Variants in GZMK observed in about 807,000 individuals in gnomAD.
GZMK encodes the protein NK-Tryp-2.
In GZMK, 18 loss-of-function variants were observed where a neutral mutation model predicts 22.8. That is an observed-to-expected ratio of 0.79 (90% CI 0.54 to 1.17). The LOEUF is 1.17. Ranked by LOEUF, GZMK falls within the 50% of genes most tolerant of loss-of-function variation. The probability of loss-of-function intolerance (pLI) is 0.00; values close to 1 mark genes in which losing one functional copy is unlikely to be tolerated. For missense variants in GZMK, 342 were observed against 320.2 expected (o/e 1.07, Z -0.52); for synonymous variants, 136 against 115.0 (o/e 1.18, Z -1.17).
intron 2 of GZMK, among the ~76,000 whole-genome samples, chr5:55,029,139 G>A (rs1394839620): frequency 6.6e-6 from 1 of 152,106 alleles, no homozygotes; most frequent in East Asian, 1.9e-4. Flanking sequence ...GGAGGCTGAG[G>A]CAGGAGAATC....
intron 2 of GZMK, among the ~76,000 whole-genome samples, chr5:55,027,334 A>T (rs1357820083): frequency 6.6e-6 from 1 of 152,194 alleles, no homozygotes; most frequent in Non-Finnish European, 1.5e-5. Context: ...TCCCTCTCTG[A>T]CAGCCAAGTT....
At chr5:55,029,653 C>T (rs1741189953) in intron 2 of GZMK, among the ~76,000 whole-genome samples, 1 of 152,192 alleles carries the variant, frequency 6.6e-6, no homozygotes, top group Non-Finnish European at 1.5e-5. Flanking sequence ...AGCAATCCCT[C>T]CTGCTTCAGC....
In GZMK at chr5:55,029,779, C is replaced by T. The variant is rs575186059; in HGVS notation, c.213-655C>T. The stretch of plus-strand genomic sequence containing the variant: ...CTGTATTGCCCAGGTTTCTCTCAAA[C>T]TCCTGGCCTCAAATGATCCTCCCAC... On this transcript the variant is annotated intron_variant, in intron 2 of 4. Transcript: ENST00000231009. Among the ~76,000 whole-genome samples, 93 of 152,202 alleles carry T rather than the reference C, an allele frequency of 6.1e-4. No homozygotes were observed. In the Middle Eastern group the frequency reaches 0.014, roughly 22 times the overall value.
intron 2 of GZMK, among the ~76,000 whole-genome samples, chr5:55,026,204 C>CTTTA (rs1440037884): frequency 6.6e-6 from 1 of 152,128 alleles, no homozygotes; most frequent in Non-Finnish European, 1.5e-5. Flanking sequence ...AAAGATCTTT[C>CTTTA]TTTCTTTCTT....
chr5:55,024,948 T>G (rs1319336954), intron 2 of GZMK, 141 bp downstream of exon 2: 3 of 521,610 alleles, frequency 5.8e-6, no homozygotes, highest in East Asian at 3.0e-5. Context: ...TTTATTTACC[T>G]TCTTCCACAT....
Position 55,034,465 on chromosome 5 carries a change from C to T in GZMK, c.*539C>T, listed in dbSNP as rs1741285730. ...GCAGCTCTCTATTTCCCCACCACCC[C>T]CATCCTCTGGCAACCCCATTCTACT... On this transcript the variant is annotated 3_prime_UTR_variant, in exon 5 of 5. Coordinates refer to ENST00000231009, the MANE Select transcript of GZMK (RefSeq NM_002104.3). 1 of 152,198 alleles carries T rather than the reference C, an allele frequency of 6.6e-6. No homozygotes were observed. Among genetic ancestry groups the T allele is most frequent in the Admixed American group, 6.5e-5 (1 of 15,276 alleles). The allele number at this position is 152,198 out of a possible 1,614,324, so 9.4% of individuals were successfully genotyped here.
At chr5:55,027,442 G>C (rs1206839078) in intron 2 of GZMK, 1 of 152,330 alleles carries the variant, frequency 6.6e-6, no homozygotes, top group Non-Finnish European at 1.5e-5. Flanking sequence ...AACCACTGTT[G>C]AGTGTCCAGG....
intron 2 of GZMK, among the ~76,000 whole-genome samples, chr5:55,029,536 T>A (rs1741187487): frequency 8.5e-6 from 1 of 117,612 alleles, no homozygotes; most frequent in African/African-American, 4.0e-5. Flanking sequence ...TGGGGATCTT[T>A]GTGGTTTTTG....
chr5:55,032,694 T>G (rs944159614), intron 4 of GZMK: 1 of 152,174 alleles, frequency 6.6e-6, no homozygotes, highest in Admixed American at 6.5e-5. Flanking sequence ...ATCTTGCCAC[T>G]GCATTCCAGT....
chr5:55,024,408 A>G (rs1561256049), intron 1 of GZMK, 22 bp downstream of exon 1: 1 of 1,082,466 alleles, frequency 9.2e-7, no homozygotes, highest in Admixed American at 1.9e-5. Flanking sequence ...CTATATCTAC[A>G]TGTAAACATT....
chr5:55,027,557 G>C (rs569448585), intron 2 of GZMK: 1 of 152,264 alleles, frequency 6.6e-6, no homozygotes, highest in Non-Finnish European at 1.5e-5. Flanking sequence ...CCAAATTTGG[G>C]TCCTGATTCC....
Position 55,033,667 on chromosome 5 carries a change from C to CA in GZMK, c.634-97dup, listed in dbSNP as rs1741268882. The CA allele has an allele frequency of 2.6e-5, 21 of 820,442 alleles. No individual in the cohort carries two copies. In the South Asian group the frequency reaches 3.7e-4, roughly 14 times the overall value. 50.8% of individuals were successfully genotyped at this position (820,442 alleles called of 1,614,324 possible). The stretch of plus-strand genomic sequence containing the variant: ...TCTGGACATAAAGAAAGCAAAGACC[C>CA]AGATGATAATCCCTTGAGCAATCAG... On this transcript the variant is annotated intron_variant, in intron 4 of 4. Transcript: ENST00000231009.
At position 55,034,426 on chromosome 5, in the gene GZMK, A is replaced by G. The variant is rs1454785058; in HGVS notation, c.*500A>G. ...CTTCATCTCATATAAATGAAACTTT[A>G]TGCCAGTTGAATAGCAGCTCTCTAT... On this transcript the variant is annotated 3_prime_UTR_variant, in exon 5 of 5. Coordinates refer to ENST00000231009, the MANE Select transcript of GZMK (RefSeq NM_002104.3). 1 of 152,314 alleles carries G rather than the reference A, an allele frequency of 6.6e-6. No homozygotes were observed. The highest frequency in any genetic ancestry group is 1.5e-5 in the Non-Finnish European group (1 of 68,112). The allele number at this position is 152,314 out of a possible 1,614,324, so 9.4% of individuals were successfully genotyped here.
rs565928086 is a variant in GZMK, at chr5:55,034,174, T to C, written c.*248T>C. 1.2e-5 allele frequency: 5 copies of C among 430,072 alleles called. No individual in the cohort carries two copies. Among genetic ancestry groups the C allele is most frequent in the Non-Finnish European group, 2.1e-5 (5 of 243,078 alleles). The allele number at this position is 430,072 out of a possible 1,614,324, so 26.6% of individuals were successfully genotyped here. Reference sequence around the variant, plus strand: ...CACATGAAGTAATATCTGCCCCCATTGCACCCACACTCGCCAAAGGGCAAT... The same window carrying C: ...CACATGAAGTAATATCTGCCCCCATCGCACCCACACTCGCCAAAGGGCAAT... On this transcript the variant is annotated 3_prime_UTR_variant, in exon 5 of 5. Coordinates refer to ENST00000231009, the MANE Select transcript of GZMK (RefSeq NM_002104.3).
intron 1 of GZMK, 116 bp from the exon 2 acceptor site, chr5:55,024,544 G>A (rs917275082): frequency 1.2e-6 from 1 of 821,450 alleles, no homozygotes; most frequent in Admixed American, 2.8e-5. Flanking sequence ...TAGCTTTTAG[G>A]TAGGGTTATT....
At position 55,033,975 on chromosome 5, in the gene GZMK, C is replaced by T. The variant is rs1274330913; in HGVS notation, c.*49C>T. ...CACTTGCTTCTTTTTTCCTAATATGCTCGCAGGTTAGAGTTGGGTGTAAGT... is the reference window on the plus strand; with the variant it reads ...CACTTGCTTCTTTTTTCCTAATATGTTCGCAGGTTAGAGTTGGGTGTAAGT... On this transcript the variant is annotated 3_prime_UTR_variant, in exon 5 of 5. Transcript: ENST00000231009. 2.0e-6 allele frequency: 3 copies of T among 1,499,668 alleles called. No individual in the cohort carries two copies. The highest frequency in any genetic ancestry group is 2.5e-5 in the South Asian group (2 of 81,286). The allele number at this position is 1,499,668 out of a possible 1,614,324, so 92.9% of individuals were successfully genotyped here.
chr5:55,027,354 C>T (rs1385298494), intron 2 of GZMK, among the ~76,000 whole-genome samples: 1 of 152,184 alleles, frequency 6.6e-6, no homozygotes, highest in Non-Finnish European at 1.5e-5. Flanking sequence ...TCTTCTCCCT[C>T]TCTCTTAGGC....
chr5:55,031,024 A>G (rs1014270018), intron 3 of GZMK, among the ~76,000 whole-genome samples: 1 of 152,236 alleles, frequency 6.6e-6, no homozygotes, highest in African/African-American at 2.4e-5. Context: ...GACCATACTC[A>G]AGGGTCCTAT....
chr5:55,026,694 G>A (rs768618824), intron 2 of GZMK: 2 of 152,144 alleles, frequency 1.3e-5, no homozygotes, highest in Non-Finnish European at 2.9e-5. Context: ...CCAAACCTGG[G>A]AGTGCTCCCT....
Sources: gnomAD v4.1 joint callset for allele counts (sites outside exome capture counted in the v4.1 genomes callset) on GRCh38, gnomAD v4.1.1 for gene constraint, MANE v1.5 for transcripts, NCBI Gene and HGNC (gene_info 2026-07-23, HGNC 2026-07-21) for gene names.